THAP4: variants seen among roughly 807,000 people sequenced by gnomAD.
The protein encoded by THAP4 is peroxynitrite isomerase THAP4.
THAP4 carries 18 observed loss-of-function variants against 48.1 expected under a neutral mutation model. The observed-to-expected ratio is 0.37, with a 90% CI of 0.26 to 0.56. The LOEUF is 0.56. Ranked by LOEUF, THAP4 falls within the 20% of genes least tolerant of loss-of-function variation. The probability of loss-of-function intolerance (pLI) is 0.78; values close to 1 mark genes in which losing one functional copy is unlikely to be tolerated. For synonymous variants in THAP4, 345 were observed against 324.9 expected, an observed-to-expected ratio of 1.06 and a Z score of -0.66; for missense variants, 656 against 774.9, an observed-to-expected ratio of 0.85 and a Z score of 1.82.
chr2:241,629,952 C>A (rs1288659062), intron 2 of THAP4, among the ~76,000 whole-genome samples: 4 of 152,072 alleles, frequency 2.6e-5, no homozygotes, highest in Non-Finnish European at 4.4e-5. Flanking sequence ...AACAATATAA[C>A]CAAGGAGTGG....
chr2:241,596,117 C>T (rs1193142239), intron 5 of THAP4, among the ~76,000 whole-genome samples: 2 of 152,160 alleles, frequency 1.3e-5, no homozygotes, highest in Non-Finnish European at 2.9e-5. Context: ...CCCAGTGAAC[C>T]TGGCTGGGGG....
intron 2 of THAP4, among the ~76,000 whole-genome samples, chr2:241,614,594 T>C (rs2067315552): frequency 6.6e-6 from 1 of 152,192 alleles, no homozygotes; most frequent in African/African-American, 2.4e-5. Context: ...AGCTTAAAAC[T>C]AGGGAATACC....
chr2:241,607,410 C>A (rs1426942818), intron 2 of THAP4, among the ~76,000 whole-genome samples: 23 of 151,800 alleles, frequency 1.5e-4, no homozygotes, highest in Admixed American at 1.5e-3. Context: ...GAGACCTGTG[C>A]GGGGACCACA....
At chr2:241,591,205 C>T (rs1463789558) in intron 5 of THAP4, among the ~76,000 whole-genome samples, 6 of 151,450 alleles carry the variant, frequency 4.0e-5, no homozygotes, top group African/African-American at 4.9e-5. Context: ...TGATGATGGG[C>T]ACTAGGACAC....
At chr2:241,607,950 G>A (rs1220216637) in intron 2 of THAP4, among the ~76,000 whole-genome samples, 15 of 138,058 alleles carry the variant, frequency 1.1e-4, no homozygotes, top group Admixed American at 1.5e-4. Context: ...CTCCAGGCCC[G>A]CAAAAGCAGA....
At chr2:241,636,388 G>A (rs900403705) in intron 1 of THAP4, among the ~76,000 whole-genome samples, 1 of 152,150 alleles carries the variant, frequency 6.6e-6, no homozygotes, top group African/African-American at 2.4e-5. Context: ...TGCCGCGGGG[G>A]CCCACGTGGG....
chr2:241,634,122 T>C, intron 1 of THAP4, 43 bp from the exon 2 acceptor site: 1 of 1,422,098 alleles, frequency 7.0e-7, no homozygotes. Flanking sequence ...TAATTAAATG[T>C]CTCCCCTTAA....
intron 3 of THAP4, among the ~76,000 whole-genome samples, chr2:241,604,131 C>A (rs193282287): frequency 6.6e-6 from 1 of 152,102 alleles, no homozygotes; most frequent in Non-Finnish European, 1.5e-5. Flanking sequence ...CACCCAGGCT[C>A]GTCGCGGTCT....
chr2:241,609,015 A>C (rs1354347904), intron 2 of THAP4, among the ~76,000 whole-genome samples: 1 of 152,196 alleles, frequency 6.6e-6, no homozygotes, highest in African/African-American at 2.4e-5. Context: ...CACCCCTCGG[A>C]AGGGCCGTGA....
chr2:241,603,138 G>T, intron 3 of THAP4, 59 bp from the exon 4 acceptor site: 1 of 1,395,962 alleles, frequency 7.2e-7, no homozygotes, highest in South Asian at 1.2e-5. Context: ...GGCGTGGGCT[G>T]CGTGGATGCC....
chr2:241,607,741 T>C, intron 2 of THAP4, among the ~76,000 whole-genome samples: 1 of 100,456 alleles, frequency 1.0e-5, no homozygotes, highest in Non-Finnish European at 2.0e-5. Flanking sequence ...ACCCCCAGTG[T>C]CTCCTCCAGG....
At chr2:241,631,599 G>A (rs887722153) in intron 2 of THAP4, among the ~76,000 whole-genome samples, 1 of 152,092 alleles carries the variant, frequency 6.6e-6, no homozygotes, top group Non-Finnish European at 1.5e-5. Context: ...CCAAGTAGTT[G>A]GGACCACAGG....
rs1454405081 is a variant in THAP4, at chr2:241,584,806, A to C, written c.1615-81T>G. ...AATGCCTGTGCGCCCACTGCATGCC[A>C]CACACTCATCACGGGCTGTGAGCCA... On this transcript the variant is annotated intron_variant, in intron 5 of 5. Transcript: ENST00000407315. The C allele has an allele frequency of 6.4e-6, 10 of 1,551,626 alleles. No homozygotes were observed. The Admixed American group carries it at 1.7e-4, about 26-fold the overall frequency.
chr2:241,596,520 A>AG (rs2067049390), intron 5 of THAP4, among the ~76,000 whole-genome samples: 1 of 13,340 alleles, frequency 7.5e-5, no homozygotes, highest in Non-Finnish European at 1.2e-4. Flanking sequence ...AAAAAAAAAA[A>AG]AAAAGGCCGG....
At chr2:241,593,087 T>G (rs943013029) in intron 5 of THAP4, among the ~76,000 whole-genome samples, 1 of 151,696 alleles carries the variant, frequency 6.6e-6, no homozygotes, top group Non-Finnish European at 1.5e-5. Flanking sequence ...CTATTAAAAA[T>G]ACAAAAAATT....
intron 5 of THAP4, among the ~76,000 whole-genome samples, chr2:241,591,297 C>CTT (rs1559217097): frequency 6.6e-6 from 1 of 152,106 alleles, no homozygotes. Flanking sequence ...AGGCCGGGGG[C>CTT]TTGAGAGGGC....
intron 5 of THAP4, among the ~76,000 whole-genome samples, chr2:241,598,056 C>A (rs1284544275): frequency 2.0e-5 from 3 of 150,190 alleles, no homozygotes; most frequent in Admixed American, 2.0e-4. Context: ...AAAACACACA[C>A]AAAACATCAG....
chr2:241,612,050 C>T lies in THAP4; in HGVS notation c.1241-5577G>A, dbSNP rs2067283820. On this transcript the variant is annotated intron_variant, in intron 2 of 5. Coordinates refer to ENST00000407315, the MANE Select transcript of THAP4 (RefSeq NM_015963.6). The surrounding 1 kb of genome is among the most constrained non-coding windows in gnomAD (Gnocchi z 4.1). ...CCCGAGTAGTTGAATGAAGCTGCTC[C>T]ATGAAGAAAGACCACTAACTAAACA... Among the ~76,000 whole-genome samples the T allele has an allele frequency of 6.6e-6, 1 of 152,012 alleles. No homozygotes were observed. The highest frequency in any genetic ancestry group is 1.5e-5 in the Non-Finnish European group (1 of 68,018).
chr2:241,620,043 AGTGAGTGAGGG>A (rs1176121269), intron 2 of THAP4, among the ~76,000 whole-genome samples: 1 of 26,774 alleles, frequency 3.7e-5, no homozygotes, highest in Non-Finnish European at 6.6e-5. Flanking sequence ...GTGAGTGAGG[AGTGAGTGAGGG>A]GTGAGTGAGG....
Sources: gnomAD v4.1 joint callset for allele counts (sites outside exome capture counted in the v4.1 genomes callset) on GRCh38, gnomAD v4.1.1 for gene constraint, Gnocchi (gnomAD v3.1) non-coding constraint, MANE v1.5 for transcripts, NCBI Gene and HGNC (gene_info 2026-07-23, HGNC 2026-07-21) for gene names.